The following KHDRBS2 variants were observed in gnomAD, a reference collection of about 807,000 sequenced individuals.
KHDRBS2 encodes KH domain-containing, RNA-binding, signal transduction-associated protein 2.
A neutral mutation model predicts 44.3 loss-of-function variants in KHDRBS2; 26 were observed. The observed-to-expected ratio is 0.59, with a 90% CI of 0.43 to 0.81. The LOEUF is 0.81. KHDRBS2 is among the 40% of genes least tolerant of loss of function. The pLI, the probability that KHDRBS2 is intolerant of heterozygous loss-of-function variation, is 0.00. For missense variants in KHDRBS2, 476 were observed against 433.1 expected (o/e 1.10, Z -0.88); for synonymous variants, 194 against 151.1 (o/e 1.28, Z -2.08).
chr6:61,918,889 A>G (rs28698912), intron 4 of KHDRBS2, among the ~76,000 whole-genome samples: 3,358 of 152,074 alleles, frequency 0.022, 135 homozygotes, highest in African/African-American at 0.077. Context: ...AATTACATAG[A>G]TAAATTAGAT....
intron 7 of KHDRBS2, among the ~76,000 whole-genome samples, chr6:61,699,768 A>AG: frequency 6.6e-6 from 1 of 152,212 alleles, no homozygotes; most frequent in African/African-American, 2.4e-5. Flanking sequence ...TCTTCCTTGG[A>AG]GGCAATTTAT....
intron 2 of KHDRBS2, among the ~76,000 whole-genome samples, chr6:62,067,453 GCTGCTAACTCTTCA>G (rs577289764): frequency 2.5e-4 from 38 of 151,544 alleles, no homozygotes; most frequent in African/African-American, 8.7e-4. Flanking sequence ...AATTGTCATG[GCTGCTAACTCTTCA>G]TTGTACTGAG....
At chr6:61,785,656 G>C (rs1179473694) in intron 6 of KHDRBS2, among the ~76,000 whole-genome samples, 1 of 152,002 alleles carries the variant, frequency 6.6e-6, no homozygotes, top group Non-Finnish European at 1.5e-5. Context: ...ACAATAGGAA[G>C]ATGAAGAAGT....
chr6:62,003,381 T>G (rs1778627141), intron 3 of KHDRBS2, among the ~76,000 whole-genome samples: 2 of 152,148 alleles, frequency 1.3e-5, no homozygotes, highest in Admixed American at 1.3e-4. Flanking sequence ...TCAACTAAAA[T>G]GTAATTCTTG....
At chr6:62,258,319 G>A (rs1357542137) in intron 1 of KHDRBS2, among the ~76,000 whole-genome samples, 7 of 152,122 alleles carry the variant, frequency 4.6e-5, no homozygotes, top group South Asian at 2.1e-4. Flanking sequence ...TGTTGTTGCC[G>A]TGGTTTAATG....
chr6:62,094,678 C>T lies in KHDRBS2; in HGVS notation c.220-46684G>A, dbSNP rs183315644. Among the ~76,000 whole-genome samples the T allele has an allele frequency of 1.8e-3, 275 of 151,970 alleles. 10 individuals are homozygous for T. In the South Asian group the frequency reaches 0.052, roughly 29 times the overall value. The stretch of plus-strand genomic sequence containing the variant: ...GCTTTCCCCCTACTTTCTCCTAGTA[C>T]TTTTGTAGTTTCAGTTCTTATATTT... On this transcript the variant is annotated intron_variant, in intron 2 of 8. Transcript: ENST00000281156.
chr6:61,876,750 G>A (rs1230694044), intron 6 of KHDRBS2, among the ~76,000 whole-genome samples: 1 of 152,044 alleles, frequency 6.6e-6, no homozygotes, highest in African/African-American at 2.4e-5. Context: ...GGAATTGATA[G>A]AGTAAATTTG....
chr6:62,075,685 T>G (rs1035802234), intron 2 of KHDRBS2, among the ~76,000 whole-genome samples: 1 of 151,912 alleles, frequency 6.6e-6, no homozygotes, highest in African/African-American at 2.4e-5. Context: ...CCAATTTTGA[T>G]AGATGAGTAA....
intron 2 of KHDRBS2, among the ~76,000 whole-genome samples, chr6:62,071,629 T>A (rs564901041): frequency 5.3e-4 from 81 of 152,190 alleles, no homozygotes; most frequent in Non-Finnish European, 6.5e-4. Context: ...TTTGTCAGGT[T>A]TGTCAAAGAT....
intron 7 of KHDRBS2, among the ~76,000 whole-genome samples, chr6:61,722,079 A>C (rs1010281669): frequency 1.3e-5 from 2 of 152,090 alleles, no homozygotes; most frequent in Non-Finnish European, 2.9e-5. Context: ...GCTGGATTAC[A>C]TTTATTGATT....
At chr6:61,875,163 CGT>C (rs146880878) in intron 6 of KHDRBS2, among the ~76,000 whole-genome samples, 10,093 of 150,586 alleles carry the variant, frequency 0.067, 405 homozygotes, top group Middle Eastern at 0.13. Flanking sequence ...TGTGTGAGTT[CGT>C]GTGTGTGGGC....
At chr6:61,567,972 G>A in the KHDRBS2 span, among the ~76,000 whole-genome samples, 1 of 152,026 alleles carries the variant, frequency 6.6e-6, no homozygotes, top group East Asian at 1.9e-4. Flanking sequence ...GTAGTTTCAT[G>A]TCTTAAATAT....
chr6:61,998,815 C>A (rs1777702320), intron 3 of KHDRBS2, among the ~76,000 whole-genome samples: 1 of 151,980 alleles, frequency 6.6e-6, no homozygotes, highest in African/African-American at 2.4e-5. Context: ...TTCTCTTGAC[C>A]TTTCCTGCTT....
At chr6:61,727,929 A>G (rs912328808) in intron 7 of KHDRBS2, among the ~76,000 whole-genome samples, 1 of 152,152 alleles carries the variant, frequency 6.6e-6, no homozygotes, top group Non-Finnish European at 1.5e-5. Context: ...CTGGGTATGT[A>G]CCCAAAGTAA....
the KHDRBS2 span, among the ~76,000 whole-genome samples, chr6:61,641,444 A>C: frequency 6.6e-6 from 1 of 152,136 alleles, no homozygotes; most frequent in Non-Finnish European, 1.5e-5. Context: ...CCCTGAAAAT[A>C]CTCTGTACTT....
chr6:61,848,006 T>C (rs1050467367), intron 6 of KHDRBS2, among the ~76,000 whole-genome samples: 3 of 152,036 alleles, frequency 2.0e-5, no homozygotes, highest in African/African-American at 7.2e-5. Context: ...TTTGCATTTC[T>C]CTTCTACTTG....
intron 4 of KHDRBS2, among the ~76,000 whole-genome samples, chr6:61,971,848 T>G (rs1663583354): frequency 6.6e-6 from 1 of 152,170 alleles, no homozygotes; most frequent in Non-Finnish European, 1.5e-5. Context: ...CCAGTAGCTC[T>G]CAAATAAGTC....
the KHDRBS2 span, among the ~76,000 whole-genome samples, chr6:61,633,641 G>C: frequency 6.6e-6 from 1 of 151,958 alleles, no homozygotes; most frequent in Non-Finnish European, 1.5e-5. Context: ...GGGGAACTCT[G>C]TCTTGCACAT....
chr6:61,780,273 G>C (rs1307863901), intron 6 of KHDRBS2, among the ~76,000 whole-genome samples: 3 of 152,162 alleles, frequency 2.0e-5, no homozygotes, highest in African/African-American at 7.2e-5. Context: ...AACCAAAGCA[G>C]GTGGTTCACT....
Sources: allele counts gnomAD v4.1 joint callset (sites outside exome capture counted in the v4.1 genomes callset), GRCh38; gene constraint gnomAD v4.1.1; transcripts MANE v1.5; gene names NCBI Gene and HGNC (gene_info 2026-07-23, HGNC 2026-07-21).